MAF: variants seen among roughly 807,000 people sequenced by gnomAD.
MAF encodes MAF bZIP transcription factor.
Under a neutral mutation model 22.0 loss-of-function variants are expected in MAF, and 10 were observed. That is an observed-to-expected ratio of 0.45 (90% CI 0.28 to 0.77). The LOEUF is 0.77. Ranked by LOEUF, MAF falls within the 30% of genes least tolerant of loss-of-function variation. The pLI is 0.12. For missense variants in MAF, 544 were observed against 548.4 expected (o/e 0.99, Z 0.08); for synonymous variants, 337 against 255.8 (o/e 1.32, Z -3.03).
the MAF span, among the ~76,000 whole-genome samples, chr16:79,562,534 C>G: frequency 6.6e-6 from 1 of 152,084 alleles, no homozygotes; most frequent in Non-Finnish European, 1.5e-5. Context: ...CAAAACATTT[C>G]TTTACATCAT....
chr16:79,221,905 G>A, the MAF span, among the ~76,000 whole-genome samples: 1 of 152,066 alleles, frequency 6.6e-6, no homozygotes, highest in African/African-American at 2.4e-5. Context: ...CCACTGCTTT[G>A]TTTTTGTCTT....
the MAF span, among the ~76,000 whole-genome samples, chr16:79,537,575 G>C: frequency 2.0e-5 from 3 of 152,096 alleles, no homozygotes; most frequent in Non-Finnish European, 4.4e-5. Context: ...ATGTTACTTT[G>C]CCTAGAATTC....
chr16:79,442,659 G>A, the MAF span, among the ~76,000 whole-genome samples: 1 of 152,186 alleles, frequency 6.6e-6, no homozygotes. Context: ...GGATCCTCCT[G>A]CCTTGGCCTC....
At chr16:79,462,920 C>G in the MAF span, among the ~76,000 whole-genome samples, 2 of 152,126 alleles carry the variant, frequency 1.3e-5, no homozygotes, top group African/African-American at 4.8e-5. Context: ...TGGGGTATTG[C>G]TTAGCATTAT....
the MAF span, among the ~76,000 whole-genome samples, chr16:79,315,644 C>T: frequency 6.6e-6 from 1 of 152,204 alleles, no homozygotes; most frequent in Non-Finnish European, 1.5e-5. Context: ...ACATCCAACT[C>T]TGTCTGACTC....
the MAF span, among the ~76,000 whole-genome samples, chr16:79,440,869 GACAGGA>G: frequency 6.6e-6 from 1 of 152,194 alleles, no homozygotes; most frequent in Non-Finnish European, 1.5e-5. Flanking sequence ...GAGTGGGAGA[GACAGGA>G]ACAAGTGGCC....
the MAF span, among the ~76,000 whole-genome samples, chr16:79,308,978 T>A: frequency 6.6e-6 from 1 of 152,216 alleles, no homozygotes; most frequent in African/African-American, 2.4e-5. Flanking sequence ...AAGTTACTTA[T>A]GGATGTAACA....
chr16:79,463,880 T>A, the MAF span, among the ~76,000 whole-genome samples: 1 of 151,730 alleles, frequency 6.6e-6, no homozygotes, highest in Non-Finnish European at 1.5e-5. Flanking sequence ...TGTTCTTTGA[T>A]GCACCATCCC....
At chr16:79,378,136 A>C in the MAF span, among the ~76,000 whole-genome samples, 1 of 152,270 alleles carries the variant, frequency 6.6e-6, no homozygotes, top group South Asian at 2.1e-4. Flanking sequence ...CCATTTTCAC[A>C]ATATTGATTC....
the MAF span, among the ~76,000 whole-genome samples, chr16:79,508,720 C>A: frequency 6.6e-6 from 1 of 152,188 alleles, no homozygotes; most frequent in African/African-American, 2.4e-5. Flanking sequence ...CAAAAACTTG[C>A]ATGGACCTCA....
the MAF span, among the ~76,000 whole-genome samples, chr16:79,487,893 G>A: frequency 6.6e-6 from 1 of 152,160 alleles, no homozygotes; most frequent in Non-Finnish European, 1.5e-5. Context: ...TTTCCAGCCT[G>A]CATTTTAAAT....
chr16:79,404,164 C>CTTT, the MAF span, among the ~76,000 whole-genome samples: 73 of 122,058 alleles, frequency 6.0e-4, 2 homozygotes, highest in African/African-American at 2.0e-3. Flanking sequence ...TCTGGATTTT[C>CTTT]TTTTTTTTTT....
At chr16:79,447,755 G>A in the MAF span, among the ~76,000 whole-genome samples, 2 of 152,016 alleles carry the variant, frequency 1.3e-5, no homozygotes, top group Non-Finnish European at 2.9e-5. Context: ...GATGGAATTA[G>A]CAAGAGAACT....
At chr16:79,375,577 T>C in the MAF span, among the ~76,000 whole-genome samples, 1 of 152,178 alleles carries the variant, frequency 6.6e-6, no homozygotes, top group East Asian at 1.9e-4. Flanking sequence ...ATGAAGATGA[T>C]GATGATATAT....
At chr16:79,598,732 C>G (rs551836241) in intron 1 of MAF, 53 bp downstream of exon 1, 1 of 1,611,482 alleles carries the variant, frequency 6.2e-7, no homozygotes, top group African/African-American at 1.3e-5. Context: ...CCGAGCCGGA[C>G]CCCCGCGGAG....
chr16:79,418,213 G>A, the MAF span, among the ~76,000 whole-genome samples: 15 of 152,024 alleles, frequency 9.9e-5, no homozygotes, highest in African/African-American at 2.4e-4. Flanking sequence ...CCATCTTCTC[G>A]TGTCTCCTTT....
the MAF span, among the ~76,000 whole-genome samples, chr16:79,510,044 G>A: frequency 2.0e-5 from 3 of 152,164 alleles, no homozygotes; most frequent in Non-Finnish European, 1.5e-5. Flanking sequence ...CAAAGTCACT[G>A]GAATCAGGTT....
downstream of MAF, among the ~76,000 whole-genome samples, chr16:79,592,023 T>A (rs1385648731): frequency 6.6e-6 from 1 of 152,174 alleles, no homozygotes; most frequent in South Asian, 2.1e-4. Flanking sequence ...GCACACTAGG[T>A]CTGACGTTAG....
chr16:79,385,049 A>T, the MAF span, among the ~76,000 whole-genome samples: 1 of 152,220 alleles, frequency 6.6e-6, no homozygotes, highest in South Asian at 2.1e-4. Flanking sequence ...AGCTATAGCC[A>T]TAGGTTGGAG....
Sources: allele counts gnomAD v4.1 joint callset (sites outside exome capture counted in the v4.1 genomes callset), GRCh38; gene constraint gnomAD v4.1.1; transcripts MANE v1.5; gene names NCBI Gene and HGNC (gene_info 2026-07-23, HGNC 2026-07-21).